Variants in PSTPIP2 observed in about 807,000 individuals in gnomAD.
PSTPIP2 encodes proline-serine-threonine phosphatase-interacting protein 2.
A neutral mutation model predicts 63.3 loss-of-function variants in PSTPIP2; 33 were observed. The ratio of observed to expected loss-of-function variants is 0.52; its 90% CI spans 0.40 to 0.70. PSTPIP2 has a LOEUF of 0.70. Among genes scored for constraint, PSTPIP2 ranks in the 30% least tolerant of loss-of-function variants. The pLI, the probability that PSTPIP2 is intolerant of heterozygous loss-of-function variation, is 0.00. For missense variants in PSTPIP2, 312 were observed against 400.7 expected (o/e 0.78, Z 1.89); for synonymous variants, 125 against 132.7 (o/e 0.94, Z 0.40).
At chr18:46,034,116 G>A (rs551900048) in intron 2 of PSTPIP2, among the ~76,000 whole-genome samples, 25 of 152,254 alleles carry the variant, frequency 1.6e-4, no homozygotes, top group Admixed American at 4.6e-4. Flanking sequence ...TGAGGGTCCC[G>A]GAAACAGAGC....
intron 3 of PSTPIP2, among the ~76,000 whole-genome samples, chr18:46,019,094 C>T (rs2051884109): frequency 6.6e-6 from 1 of 152,012 alleles, no homozygotes; most frequent in Non-Finnish European, 1.5e-5. Context: ...GTGCCTTGGC[C>T]CTGGTAAATT....
chr18:46,047,517 G>A (rs573479183), intron 1 of PSTPIP2, among the ~76,000 whole-genome samples: 4 of 152,214 alleles, frequency 2.6e-5, no homozygotes, highest in African/African-American at 9.6e-5. Context: ...GCTTAAACTC[G>A]GGAGGCAGAG....
intron 2 of PSTPIP2, among the ~76,000 whole-genome samples, chr18:46,030,572 C>T (rs550664937): frequency 1.4e-3 from 220 of 152,262 alleles, no homozygotes; most frequent in Admixed American, 3.5e-3. Flanking sequence ...TTAGTCTGAA[C>T]TATTTATTAC....
At chr18:46,016,106 G>A in intron 3 of PSTPIP2, 169 bp from the exon 4 acceptor site, 1 of 655,964 alleles carries the variant, frequency 1.5e-6, no homozygotes. Flanking sequence ...CTTAAGTCCA[G>A]TTTCCTCAAT....
At chr18:46,056,302 C>G (rs1206230210) in intron 1 of PSTPIP2, among the ~76,000 whole-genome samples, 1 of 152,252 alleles carries the variant, frequency 6.6e-6, no homozygotes, top group Non-Finnish European at 1.5e-5. Flanking sequence ...ATGCTTCCCT[C>G]TGTTGTGCCC....
rs749638245 is a variant in PSTPIP2, at chr18:45,991,916, C to T, written c.906G>A (p.Gly302=). The T allele has an allele frequency of 1.2e-6, 2 of 1,611,800 alleles. No homozygotes were observed. Among genetic ancestry groups the T allele is most frequent in the East Asian group, 2.2e-5 (1 of 44,880 alleles). ...KNAVPAGKAT[G]PNLARRGPLP... is the part of the protein sequence containing the mutation. ...CTGGTTATTACCTTGCCAAGTTAGG[C>T]CCTGTAGCCTTTCCTGCTGGGACTG... is the stretch of plus-strand genomic sequence containing the variant. Residue 302 remains glycine, a synonymous_variant, in exon 12 of 15, where the codon GGG becomes GGA. Transcript: ENST00000409746.
intron 2 of PSTPIP2, among the ~76,000 whole-genome samples, chr18:46,025,595 T>C (rs1345984627): frequency 6.6e-6 from 1 of 151,924 alleles, no homozygotes; most frequent in African/African-American, 2.4e-5. Context: ...GAATGTTCCT[T>C]ATCAGCACAT....
At chr18:45,998,902 A>C in intron 7 of PSTPIP2, 63 bp from the exon 8 acceptor site, 1 of 1,559,712 alleles carries the variant, frequency 6.4e-7, no homozygotes, top group Non-Finnish European at 8.8e-7. Flanking sequence ...CGAGGCTTCC[A>C]CAGGCAAAAC....
chr18:46,018,528 C>G (rs2051876824), intron 3 of PSTPIP2, among the ~76,000 whole-genome samples: 1 of 152,072 alleles, frequency 6.6e-6, no homozygotes. Flanking sequence ...ACCACCACGC[C>G]CAGCTAATTT....
At chr18:46,042,092 C>T (rs117075663) in intron 1 of PSTPIP2, among the ~76,000 whole-genome samples, 73 of 152,292 alleles carry the variant, frequency 4.8e-4, no homozygotes, top group East Asian at 4.4e-3. Context: ...GCCATTTCAC[C>T]TTGCACTTTT....
At chr18:45,993,554 T>C in intron 10 of PSTPIP2, 51 bp downstream of exon 10, 2 of 1,522,888 alleles carry the variant, frequency 1.3e-6, no homozygotes, top group Admixed American at 1.7e-5. Context: ...CCTTCTACTC[T>C]AATGTATCCA....
chr18:46,039,452 T>C (rs796185708), intron 2 of PSTPIP2, among the ~76,000 whole-genome samples: 3 of 152,214 alleles, frequency 2.0e-5, no homozygotes, highest in African/African-American at 7.2e-5. Flanking sequence ...TCAAGCTTGC[T>C]GTTCTCCCAG....
At position 45,985,271 on chromosome 18, in the gene PSTPIP2, C is replaced by T. The variant is rs2051455805; in HGVS notation, c.*188G>A. Reference sequence around the variant, plus strand: ...GGGGCAATTTGTAAACTTCAAAAAACTGCAGAACTCTACTTGCTTATGTTG... The same window carrying T: ...GGGGCAATTTGTAAACTTCAAAAAATTGCAGAACTCTACTTGCTTATGTTG... On this transcript the variant is annotated 3_prime_UTR_variant, in exon 15 of 15. Coordinates refer to ENST00000409746, the MANE Select transcript of PSTPIP2 (RefSeq NM_024430.4). The T allele has an allele frequency of 1.4e-6, 1 of 725,168 alleles. No individual in the cohort carries two copies. The highest frequency in any genetic ancestry group is 1.9e-5 in the African/African-American group (1 of 53,856). 44.9% of individuals were successfully genotyped at this position (725,168 alleles called of 1,614,324 possible).
chr18:46,041,466 T>C (rs1908193609), intron 1 of PSTPIP2, among the ~76,000 whole-genome samples: 1 of 152,168 alleles, frequency 6.6e-6, no homozygotes, highest in African/African-American at 2.4e-5. Context: ...CAGTCTGGTC[T>C]CGAACTCCTG....
intron 12 of PSTPIP2, among the ~76,000 whole-genome samples, chr18:45,991,288 A>G (rs1193500459): frequency 6.6e-6 from 1 of 152,202 alleles, no homozygotes; most frequent in African/African-American, 2.4e-5. Context: ...CTCTTTCCGC[A>G]GGATCCTTTA....
chr18:46,020,841 G>A (rs1039764732), intron 3 of PSTPIP2, among the ~76,000 whole-genome samples: 1 of 152,182 alleles, frequency 6.6e-6, no homozygotes, highest in Non-Finnish European at 1.5e-5. Context: ...TCAAGCAACA[G>A]AAAAGAACTG....
chr18:46,059,944 T>C (rs1273369496), intron 1 of PSTPIP2, among the ~76,000 whole-genome samples: 1 of 152,164 alleles, frequency 6.6e-6, no homozygotes, highest in African/African-American at 2.4e-5. Flanking sequence ...GACAGAAGAA[T>C]TGCTTGAACC....
intron 1 of PSTPIP2, among the ~76,000 whole-genome samples, chr18:46,047,658 C>G (rs922101761): frequency 2.0e-5 from 3 of 152,058 alleles, no homozygotes; most frequent in African/African-American, 7.2e-5. Flanking sequence ...CCTTTGCACT[C>G]CAGCCTGGGC....
chr18:45,993,538 A>T, intron 10 of PSTPIP2, 67 bp downstream of exon 10: 2 of 1,450,094 alleles, frequency 1.4e-6, no homozygotes, highest in South Asian at 2.3e-5. Flanking sequence ...ATCAATATCT[A>T]TAGTTCCTTC....
Sources: gnomAD v4.1 joint callset for allele counts (sites outside exome capture counted in the v4.1 genomes callset) on GRCh38, gnomAD v4.1.1 for gene constraint, MANE v1.5 for transcripts, NCBI Gene and HGNC (gene_info 2026-07-23, HGNC 2026-07-21) for gene names.